Variants in GABRB3 observed in about 807,000 individuals in gnomAD.
GABRB3 encodes the protein gamma-aminobutyric acid receptor subunit beta-3.
Under a neutral mutation model 52.1 loss-of-function variants are expected in GABRB3, and 14 were observed. That is an observed-to-expected ratio of 0.27 (90% CI 0.18 to 0.42). The LOEUF (loss-of-function observed/expected upper bound fraction) is 0.42, where lower values mean the gene tolerates loss of function less well. Ranked by LOEUF, GABRB3 falls within the 10% of genes least tolerant of loss-of-function variation. The pLI is 1.00. For missense variants in GABRB3, 307 were observed against 609.1 expected, an observed-to-expected ratio of 0.50 and a Z score of 5.22; for synonymous variants, 260 against 232.3, an observed-to-expected ratio of 1.12 and a Z score of -1.08.
chr15:26,689,390 T>C (rs988023936), intron 3 of GABRB3, among the ~76,000 whole-genome samples: 16 of 152,180 alleles, frequency 1.1e-4, no homozygotes, highest in Admixed American at 9.2e-4. Flanking sequence ...GAAGCTTGAC[T>C]ACCCACCACA....
At chr15:26,697,964 C>T (rs1247049917) in intron 3 of GABRB3, among the ~76,000 whole-genome samples, 1 of 152,196 alleles carries the variant, frequency 6.6e-6, no homozygotes, top group African/African-American at 2.4e-5. Flanking sequence ...ATTTAGAACT[C>T]ATCTGGCATT....
intron 3 of GABRB3, among the ~76,000 whole-genome samples, chr15:26,636,025 A>G (rs1199385144): frequency 6.6e-6 from 1 of 152,178 alleles, no homozygotes; most frequent in Non-Finnish European, 1.5e-5. Flanking sequence ...ATTTGGATGG[A>G]CATCTCTGCA....
At chr15:26,664,657 T>G (rs1177319528) in intron 3 of GABRB3, among the ~76,000 whole-genome samples, 1 of 151,478 alleles carries the variant, frequency 6.6e-6, no homozygotes, top group Non-Finnish European at 1.5e-5. Flanking sequence ...ACCACGGTAA[T>G]GGGGTACCCA....
At chr15:26,752,382 G>T (rs1056489702) in intron 3 of GABRB3, among the ~76,000 whole-genome samples, 3 of 151,840 alleles carry the variant, frequency 2.0e-5, no homozygotes, top group Non-Finnish European at 2.9e-5. Flanking sequence ...TCCTGCCTCA[G>T]CCTCCCGAGT....
intron 3 of GABRB3, among the ~76,000 whole-genome samples, chr15:26,667,300 T>A (rs1344928156): frequency 6.6e-6 from 1 of 152,126 alleles, no homozygotes. Context: ...GGACCATAGA[T>A]GTTGGCAGTG....
intron 3 of GABRB3, among the ~76,000 whole-genome samples, chr15:26,632,020 T>C (rs558774686): frequency 5.9e-5 from 9 of 152,224 alleles, no homozygotes; most frequent in Non-Finnish European, 1.0e-4. Context: ...TTAGAGTGAT[T>C]AGGAGAAGCA....
At chr15:26,549,777 C>T (rs1889389996) in intron 8 of GABRB3, among the ~76,000 whole-genome samples, 1 of 152,058 alleles carries the variant, frequency 6.6e-6, no homozygotes, top group Non-Finnish European at 1.5e-5. Flanking sequence ...TACCTCCCAG[C>T]ATCACCTCAT....
intron 4 of GABRB3, among the ~76,000 whole-genome samples, chr15:26,585,812 C>T (rs778066253): frequency 9.2e-5 from 14 of 152,108 alleles, no homozygotes; most frequent in Admixed American, 3.9e-4. Context: ...AACATTCTAG[C>T]CAACTGAAGT....
chr15:26,557,067 G>A (rs940434342), intron 8 of GABRB3, among the ~76,000 whole-genome samples: 5 of 152,268 alleles, frequency 3.3e-5, no homozygotes, highest in South Asian at 4.2e-4. Context: ...AGAAAGTGGG[G>A]TACATATACA....
At chr15:26,748,377 A>G (rs1890408398) in intron 3 of GABRB3, among the ~76,000 whole-genome samples, 1 of 152,238 alleles carries the variant, frequency 6.6e-6, no homozygotes, top group Non-Finnish European at 1.5e-5. Context: ...TTCTAATTAC[A>G]AATTCAATTT....
intron 3 of GABRB3, among the ~76,000 whole-genome samples, chr15:26,738,209 C>T (rs186747698): frequency 3.5e-4 from 53 of 152,134 alleles, no homozygotes; most frequent in Admixed American, 1.0e-3. Context: ...CAGCCTCCCA[C>T]GTAGCTGGGA....
chr15:26,728,450 A>G (rs1250081577), intron 3 of GABRB3, among the ~76,000 whole-genome samples: 5 of 152,164 alleles, frequency 3.3e-5, no homozygotes, highest in Non-Finnish European at 7.4e-5. Context: ...GGAGGCAGTG[A>G]CTATAAGGAT....
intron 4 of GABRB3, among the ~76,000 whole-genome samples, chr15:26,617,038 T>G (rs1388345063): frequency 6.6e-6 from 1 of 152,112 alleles, no homozygotes; most frequent in Non-Finnish European, 1.5e-5. Context: ...CAGGAAGAAG[T>G]TGAATCTCTG....
chr15:26,656,687 A>G (rs1192684615), intron 3 of GABRB3, among the ~76,000 whole-genome samples: 1 of 152,168 alleles, frequency 6.6e-6, no homozygotes, highest in East Asian at 1.9e-4. Context: ...TCTAGGTTGC[A>G]CACTCCTTAT....
At chr15:26,768,791 A>G (rs1256441358) in intron 3 of GABRB3, among the ~76,000 whole-genome samples, 1 of 152,174 alleles carries the variant, frequency 6.6e-6, no homozygotes, top group Non-Finnish European at 1.5e-5. Flanking sequence ...GACAAGTATC[A>G]GGTCAACTAA....
intron 6 of GABRB3, among the ~76,000 whole-genome samples, chr15:26,572,047 GAAAAAAAAAAA>G (rs67382387): frequency 1.9e-5 from 1 of 53,108 alleles, no homozygotes; most frequent in Non-Finnish European, 4.0e-5. Flanking sequence ...TCCGTCTCAA[GAAAAAAAAAAA>G]AAAAAAAAAA....
chr15:26,641,087 A>C (rs2140572257), intron 3 of GABRB3, among the ~76,000 whole-genome samples: 1 of 152,268 alleles, frequency 6.6e-6, no homozygotes, highest in African/African-American at 2.4e-5. Flanking sequence ...ACCCTCTTCT[A>C]ACCTTGTCCA....
intron 4 of GABRB3, among the ~76,000 whole-genome samples, chr15:26,602,269 A>G (rs565941696): frequency 1.3e-5 from 2 of 152,294 alleles, no homozygotes; most frequent in African/African-American, 2.4e-5. Context: ...AACAAATATT[A>G]TAAGAGCCAA....
intron 3 of GABRB3, among the ~76,000 whole-genome samples, chr15:26,634,876 TTATA>T (rs1893005149): frequency 7.0e-6 from 1 of 143,270 alleles, no homozygotes; most frequent in Admixed American, 7.0e-5. Flanking sequence ...ACACACATAT[TTATA>T]GAGAGAAAAA....
Sources: gnomAD v4.1 joint callset for allele counts (sites outside exome capture counted in the v4.1 genomes callset) on GRCh38, gnomAD v4.1.1 for gene constraint, MANE v1.5 for transcripts, NCBI Gene and HGNC (gene_info 2026-07-23, HGNC 2026-07-21) for gene names.